NTM: variants seen among roughly 807,000 people sequenced by gnomAD.
NTM encodes the protein IgLON family member 2.
Under a neutral mutation model 42.1 loss-of-function variants are expected in NTM, and 13 were observed. The ratio of observed to expected loss-of-function variants is 0.31; its 90% CI spans 0.20 to 0.49. NTM has a LOEUF of 0.49. Ranked by LOEUF, NTM falls within the 20% of genes least tolerant of loss-of-function variation. NTM has a pLI of 0.99. For synonymous variants in NTM, 187 were observed against 179.2 expected (o/e 1.04, Z -0.35); for missense variants, 373 against 452.8 (o/e 0.82, Z 1.60).
chr11:132,008,398 G>T (rs774416457), intron 2 of NTM, among the ~76,000 whole-genome samples: 1 of 152,116 alleles, frequency 6.6e-6, no homozygotes, highest in Non-Finnish European at 1.5e-5. Context: ...TAATATAGCT[G>T]ACCTCAGATA....
At chr11:131,598,445 G>T (rs1592167385) in intron 1 of NTM, among the ~76,000 whole-genome samples, 1 of 152,280 alleles carries the variant, frequency 6.6e-6, no homozygotes, top group East Asian at 1.9e-4. Context: ...GATTCTGTTA[G>T]TCAGGATTCT....
intron 1 of NTM, among the ~76,000 whole-genome samples, chr11:131,613,116 C>T (rs2137556399): frequency 6.6e-6 from 1 of 152,294 alleles, no homozygotes; most frequent in East Asian, 1.9e-4. Flanking sequence ...ACTTCCCTTA[C>T]AGAACTTTTT....
chr11:131,618,048 G>A (rs982051976), intron 1 of NTM, among the ~76,000 whole-genome samples: 9 of 152,136 alleles, frequency 5.9e-5, no homozygotes, highest in Non-Finnish European at 1.0e-4. Context: ...GTAGGGAGTT[G>A]GTGTTAAAAA....
intron 3 of NTM, among the ~76,000 whole-genome samples, chr11:132,152,324 C>T (rs1424224180): frequency 2.6e-5 from 4 of 152,150 alleles, no homozygotes; most frequent in Admixed American, 6.5e-5. Context: ...ACATCATGAT[C>T]CAATTCGAAA....
chr11:131,371,951 G>C (rs1941263847), intron 1 of NTM, among the ~76,000 whole-genome samples: 1 of 152,176 alleles, frequency 6.6e-6, no homozygotes, highest in Non-Finnish European at 1.5e-5. Flanking sequence ...TGTATTCCCA[G>C]AGGAAAGTTC....
intron 1 of NTM, among the ~76,000 whole-genome samples, chr11:131,753,094 A>C (rs923702816): frequency 1.3e-5 from 2 of 152,062 alleles, no homozygotes; most frequent in African/African-American, 4.8e-5. Flanking sequence ...ATGAACAGAC[A>C]CTTCTCAAAA....
At chr11:131,623,623 G>T (rs1225921487) in intron 1 of NTM, among the ~76,000 whole-genome samples, 1 of 152,226 alleles carries the variant, frequency 6.6e-6, no homozygotes, top group African/African-American at 2.4e-5. Flanking sequence ...GATGGGTTAG[G>T]CCTCTCTATA....
At chr11:132,068,483 G>C (rs190049260) in intron 2 of NTM, among the ~76,000 whole-genome samples, 72 of 152,196 alleles carry the variant, frequency 4.7e-4, no homozygotes, top group Middle Eastern at 3.4e-3. Context: ...TTTTTTCTGA[G>C]ACCTCACCAG....
chr11:131,790,458 G>A (rs2090769273), intron 1 of NTM, among the ~76,000 whole-genome samples: 1 of 152,148 alleles, frequency 6.6e-6, no homozygotes, highest in Non-Finnish European at 1.5e-5. Context: ...CTTACTCTGG[G>A]TGGTATAAAA....
intron 2 of NTM, among the ~76,000 whole-genome samples, chr11:132,100,139 A>T (rs148196466): frequency 6.6e-6 from 1 of 152,236 alleles, no homozygotes; most frequent in Non-Finnish European, 1.5e-5. Flanking sequence ...TTCTCTGCCT[A>T]TATTTGCATG....
chr11:131,465,508 T>C lies in NTM; in HGVS notation c.82+94620T>C, dbSNP rs560721913. On this transcript the variant is annotated intron_variant, in intron 1 of 8. Coordinates refer to ENST00000683400, the MANE Select transcript of NTM (RefSeq NM_001352005.2). ...GACTGCCCAGGTTGCCAGCTTACTATGTCTTCTCTTCCAACCATTAAAGTT... is the reference window on the plus strand; with the variant it reads ...GACTGCCCAGGTTGCCAGCTTACTACGTCTTCTCTTCCAACCATTAAAGTT... Among the ~76,000 whole-genome samples the C allele has an allele frequency of 2.3e-4, 35 of 152,268 alleles. No individual in the cohort carries two copies. In the South Asian group the frequency reaches 2.9e-3, roughly 13 times the overall value.
chr11:131,720,917 C>T (rs965944127), intron 1 of NTM, among the ~76,000 whole-genome samples: 1 of 152,118 alleles, frequency 6.6e-6, no homozygotes, highest in Non-Finnish European at 1.5e-5. Flanking sequence ...GACTAGAGAA[C>T]TTAGATGAAT....
chr11:131,411,643 T>C (rs1458185672), intron 1 of NTM, among the ~76,000 whole-genome samples: 6 of 150,122 alleles, frequency 4.0e-5, no homozygotes, highest in Non-Finnish European at 7.4e-5. Flanking sequence ...CTACAACTCT[T>C]AGGGGTCCTG....
chr11:132,194,573 C>T (rs1013630913), intron 3 of NTM, among the ~76,000 whole-genome samples: 8 of 152,114 alleles, frequency 5.3e-5, no homozygotes, highest in Non-Finnish European at 8.8e-5. Flanking sequence ...ATTATTACCA[C>T]TCTCACCAGA....
chr11:131,850,742 G>T (rs767268407), intron 1 of NTM, among the ~76,000 whole-genome samples: 2 of 152,172 alleles, frequency 1.3e-5, no homozygotes, highest in African/African-American at 2.4e-5. Context: ...ATCGGATTTG[G>T]CTGCGATTGT....
At chr11:131,928,350 T>A (rs2058189757) in intron 2 of NTM, among the ~76,000 whole-genome samples, 3 of 152,252 alleles carry the variant, frequency 2.0e-5, no homozygotes, top group Admixed American at 2.0e-4. Flanking sequence ...AAACAAGTTA[T>A]TTCATATTGT....
chr11:132,166,825 T>C (rs975525094), intron 3 of NTM, among the ~76,000 whole-genome samples: 3 of 152,194 alleles, frequency 2.0e-5, no homozygotes, highest in African/African-American at 7.2e-5. Context: ...TTCCTAGCAT[T>C]ATGGCTACTT....
At chr11:132,234,414 C>G (rs1458166609) in intron 4 of NTM, among the ~76,000 whole-genome samples, 3 of 152,178 alleles carry the variant, frequency 2.0e-5, no homozygotes, top group Admixed American at 6.5e-5. Flanking sequence ...CCATATTTTA[C>G]CATCACCAAC....
intron 1 of NTM, among the ~76,000 whole-genome samples, chr11:131,711,766 TG>T (rs1372850149): frequency 6.6e-6 from 1 of 151,498 alleles, no homozygotes; most frequent in Admixed American, 6.6e-5. Flanking sequence ...ATTAAGAAAA[TG>T]TGGCACATAT....
Sources: allele counts gnomAD v4.1 joint callset (sites outside exome capture counted in the v4.1 genomes callset), GRCh38; gene constraint gnomAD v4.1.1; transcripts MANE v1.5; gene names NCBI Gene and HGNC (gene_info 2026-07-23, HGNC 2026-07-21).